The following RBFOX1 variants were observed in gnomAD, a reference collection of about 807,000 sequenced individuals.
RBFOX1 encodes RNA binding protein fox-1 homolog 1.
RBFOX1 carries 8 observed loss-of-function variants against 57.7 expected under a neutral mutation model. The ratio of observed to expected loss-of-function variants is 0.14; its 90% confidence interval spans 0.08 to 0.25. The LOEUF is 0.25. Among genes scored for constraint, RBFOX1 ranks in the 10% least tolerant of loss-of-function variants. The pLI is 1.00. For missense variants in RBFOX1, 611 were observed against 548.5 expected, an observed-to-expected ratio of 1.11 and a Z score of -1.14; for synonymous variants, 326 against 222.4, an observed-to-expected ratio of 1.47 and a Z score of -4.15.
chr16:7,180,429 G>A (rs1050932124), intron 4 of RBFOX1, among the ~76,000 whole-genome samples: 17 of 152,188 alleles, frequency 1.1e-4, no homozygotes, highest in East Asian at 3.9e-4. Context: ...ATCAGATGCC[G>A]GGCAAGGTGA....
chr16:5,422,286 AGAAG>A (rs1452166952), intron 1 of RBFOX1, among the ~76,000 whole-genome samples: 3 of 129,736 alleles, frequency 2.3e-5, no homozygotes, highest in Non-Finnish European at 5.0e-5. Context: ...AGATTAGAGG[AGAAG>A]GGAGGGAGAG....
intron 2 of RBFOX1, among the ~76,000 whole-genome samples, chr16:5,551,542 G>T (rs577996880): frequency 6.6e-6 from 1 of 152,182 alleles, no homozygotes; most frequent in African/African-American, 2.4e-5. Context: ...TCTGCTTTGG[G>T]ACTGTGTTCC....
chr16:7,211,085 TAAA>T (rs59344460), intron 4 of RBFOX1, among the ~76,000 whole-genome samples: 40,085 of 144,298 alleles, frequency 0.28, 5,918 homozygotes, highest in Non-Finnish European at 0.35. Flanking sequence ...TACATACACT[TAAA>T]AAAAAAAAAA....
At chr16:7,619,447 A>G (rs2058967747) in intron 10 of RBFOX1, among the ~76,000 whole-genome samples, 1 of 152,174 alleles carries the variant, frequency 6.6e-6, no homozygotes, top group Non-Finnish European at 1.5e-5. Context: ...AGAGATTGAA[A>G]GGTGACGTGT....
At chr16:5,373,152 A>G (rs1158639400) in intron 1 of RBFOX1, among the ~76,000 whole-genome samples, 3 of 152,180 alleles carry the variant, frequency 2.0e-5, no homozygotes, top group Non-Finnish European at 4.4e-5. Flanking sequence ...CGGCAGAACC[A>G]TGGCCCATTG....
intron 3 of RBFOX1, among the ~76,000 whole-genome samples, chr16:6,978,131 G>C (rs1238249557): frequency 6.8e-6 from 1 of 147,834 alleles, no homozygotes; most frequent in African/African-American, 2.5e-5. Flanking sequence ...GAACACAACA[G>C]CCGGGCATGA....
intron 1 of RBFOX1, among the ~76,000 whole-genome samples, chr16:6,160,336 A>T (rs906920274): frequency 1.3e-5 from 2 of 152,196 alleles, no homozygotes; most frequent in Non-Finnish European, 2.9e-5. Context: ...TAAAGTGGTT[A>T]TGATAGAGAA....
chr16:7,316,195 T>C lies in RBFOX1; in HGVS notation c.28-201952T>C, dbSNP rs191358130. ...TGTGTATCAGAGAAAGATCAACTTT[T>C]CAAAATAATGATGTCTTTAATTCAA... On this transcript the variant is annotated intron_variant, in intron 4 of 15. Transcript: ENST00000550418. 4.6e-3 allele frequency among the ~76,000 whole-genome samples: 701 copies of C among 152,354 alleles called. 2 individuals are homozygous for C. The highest frequency in any genetic ancestry group is 0.016 in the African/African-American group (656 of 41,576).
At chr16:7,134,047 G>T (rs1422170287) in intron 4 of RBFOX1, among the ~76,000 whole-genome samples, 1 of 152,126 alleles carries the variant, frequency 6.6e-6, no homozygotes, top group Non-Finnish European at 1.5e-5. Context: ...TTAATACGTG[G>T]GCCTCAGTAA....
Position 7,543,226 on chromosome 16 carries a change from A to T in RBFOX1, c.270+24837A>T, listed in dbSNP as rs113278529. 1.4e-3 allele frequency among the ~76,000 whole-genome samples: 208 copies of T among 152,364 alleles called. 2 individuals are homozygous for T. The highest frequency in any genetic ancestry group is 4.7e-3 in the African/African-American group (196 of 41,584). On this transcript the variant is annotated intron_variant, in intron 5 of 15. Coordinates refer to ENST00000550418, the MANE Select transcript of RBFOX1 (RefSeq NM_018723.4). ...GAATGGCCAATGGGAATATGGTTTTAACAAGTATTTTAGGCAAGTCTTACA... is the reference window on the plus strand; with the variant it reads ...GAATGGCCAATGGGAATATGGTTTTTACAAGTATTTTAGGCAAGTCTTACA...
intron 3 of RBFOX1, among the ~76,000 whole-genome samples, chr16:6,948,414 T>A (rs1405946976): frequency 2.3e-5 from 3 of 128,778 alleles, no homozygotes; most frequent in Admixed American, 1.6e-4. Context: ...TGAGGCTGAG[T>A]TTTACTCTGT....
At chr16:5,710,860 G>A (rs866586093) in intron 3 of RBFOX1, among the ~76,000 whole-genome samples, 7 of 152,246 alleles carry the variant, frequency 4.6e-5, no homozygotes, top group Non-Finnish European at 8.8e-5. Context: ...AGACCTGGGG[G>A]AGCCAGAAAG....
At chr16:6,971,514 G>C (rs1285875212) in intron 3 of RBFOX1, among the ~76,000 whole-genome samples, 1 of 151,786 alleles carries the variant, frequency 6.6e-6, no homozygotes, top group African/African-American at 2.4e-5. Flanking sequence ...GAGTTGGTGT[G>C]TGTGTGTGTG....
At chr16:6,499,584 G>C (rs1162591696) in intron 2 of RBFOX1, among the ~76,000 whole-genome samples, 1 of 152,092 alleles carries the variant, frequency 6.6e-6, no homozygotes. Context: ...ACAGAGTCTT[G>C]TAATCTTCTG....
chr16:5,270,377 G>A (rs2062974550), intron 1 of RBFOX1: 1 of 1,263,366 alleles, frequency 7.9e-7, no homozygotes, highest in African/African-American at 1.5e-5. Flanking sequence ...TGTGTTTGAA[G>A]TGAGTCTTGC....
At chr16:6,610,169 C>G (rs115731003) in intron 2 of RBFOX1, among the ~76,000 whole-genome samples, 1 of 152,114 alleles carries the variant, frequency 6.6e-6, no homozygotes, top group African/African-American at 2.4e-5. Flanking sequence ...TGAAGCTCTT[C>G]GGTGTGCATT....
intron 2 of RBFOX1, among the ~76,000 whole-genome samples, chr16:6,326,525 C>T (rs1373853458): frequency 1.3e-5 from 2 of 152,076 alleles, no homozygotes; most frequent in Admixed American, 1.3e-4. Context: ...CCTTTCTAAT[C>T]TAGCTGGCTT....
chr16:7,262,971 C>T (rs924488063), intron 4 of RBFOX1, among the ~76,000 whole-genome samples: 3 of 152,166 alleles, frequency 2.0e-5, no homozygotes, highest in African/African-American at 7.2e-5. Flanking sequence ...CCTCCACTTA[C>T]TCTAGGAAGT....
intron 1 of RBFOX1, among the ~76,000 whole-genome samples, chr16:5,463,751 G>T (rs148417296): frequency 6.7e-6 from 1 of 149,560 alleles, no homozygotes; most frequent in East Asian, 2.0e-4. Flanking sequence ...AGTAAGTCAA[G>T]ATTGCACCAC....
Sources: gnomAD v4.1 joint callset for allele counts (sites outside exome capture counted in the v4.1 genomes callset) on GRCh38, gnomAD v4.1.1 for gene constraint, MANE v1.5 for transcripts, NCBI Gene and HGNC (gene_info 2026-07-23, HGNC 2026-07-21) for gene names.